The following TRPM7 variants were observed in gnomAD, a reference collection of about 807,000 sequenced individuals.
The protein encoded by TRPM7 is transient receptor potential cation channel subfamily M member 7, also known as LTRPC ion channel family member 7.
Under a neutral mutation model 229.7 loss-of-function variants are expected in TRPM7, and 134 were observed. The ratio of observed to expected loss-of-function variants is 0.58; its 90% CI spans 0.51 to 0.67. The LOEUF (loss-of-function observed/expected upper bound fraction) is 0.67. Among genes scored for constraint, TRPM7 ranks in the 30% least tolerant of loss-of-function variants. The pLI is 0.00. For synonymous variants in TRPM7, 699 were observed against 715.2 expected (o/e 0.98, Z 0.36); for missense variants, 1,901 against 2,210.0 (o/e 0.86, Z 2.80).
At chr15:50,571,646 A>AG (rs1181175884) in intron 36 of TRPM7, among the ~76,000 whole-genome samples, 1 of 152,188 alleles carries the variant, frequency 6.6e-6, no homozygotes, top group African/African-American at 2.4e-5. Context: ...AATAAAAAAG[A>AG]GGGAAAAAAG....
At chr15:50,631,256 G>A (rs892736628) in intron 10 of TRPM7, among the ~76,000 whole-genome samples, 161 bp downstream of exon 10, 5 of 152,270 alleles carry the variant, frequency 3.3e-5, no homozygotes, top group Admixed American at 2.6e-4. Flanking sequence ...AACCAACATT[G>A]TGTCTTTCAC....
At chr15:50,680,857 T>C (rs1018792662) in intron 1 of TRPM7, among the ~76,000 whole-genome samples, 2 of 152,250 alleles carry the variant, frequency 1.3e-5, no homozygotes, top group Non-Finnish European at 2.9e-5. Flanking sequence ...CTACCACTTA[T>C]TAGCCTTGTG....
chr15:50,638,231 C>T (rs1199454986), intron 6 of TRPM7, among the ~76,000 whole-genome samples: 1 of 150,564 alleles, frequency 6.6e-6, no homozygotes, highest in African/African-American at 2.4e-5. Flanking sequence ...TGGTAGCGGG[C>T]GCCTGTAGTC....
intron 33 of TRPM7, 116 bp downstream of exon 33, chr15:50,575,608 A>T: frequency 3.4e-6 from 3 of 888,090 alleles, no homozygotes; most frequent in Non-Finnish European, 5.1e-6. Flanking sequence ...AGATTAATCA[A>T]GAATTTATTT....
chr15:50,578,949 T>C (rs1283049537), intron 30 of TRPM7, among the ~76,000 whole-genome samples: 3 of 152,034 alleles, frequency 2.0e-5, no homozygotes, highest in Non-Finnish European at 2.9e-5. Flanking sequence ...GAAGGCTCTA[T>C]ACTAATAAAC....
At chr15:50,629,098 C>T (rs2060649729) in intron 10 of TRPM7, among the ~76,000 whole-genome samples, 1 of 151,900 alleles carries the variant, frequency 6.6e-6, no homozygotes, top group African/African-American at 2.4e-5. Flanking sequence ...TGTTTTCATG[C>T]ACATGCTTGA....
At chr15:50,652,738 A>G (rs2061458188) in intron 3 of TRPM7, among the ~76,000 whole-genome samples, 1 of 152,068 alleles carries the variant, frequency 6.6e-6, no homozygotes. Context: ...AAATAAAACC[A>G]GCCCGTAATT....
intron 1 of TRPM7, among the ~76,000 whole-genome samples, chr15:50,675,363 C>A (rs1263082253): frequency 1.3e-5 from 2 of 151,768 alleles, no homozygotes; most frequent in Non-Finnish European, 2.9e-5. Context: ...AAAAGAAAAT[C>A]TCCTACAGCC....
At position 50,589,648 on chromosome 15, in the gene TRPM7, C is replaced by T. The variant is rs1283819305; in HGVS notation, c.4333G>A (p.Asp1445Asn). 5 of 1,588,182 alleles carry T rather than the reference C, an allele frequency of 3.1e-6. No homozygotes were observed. In the South Asian group the frequency reaches 4.6e-5, roughly 15 times the overall value. ...TTAAACCTCTGTAAATCCATGCTATCTCTGTGTCCTTTAATAGAAAAAAAG... is the reference window on the plus strand; with the variant it reads ...TTAAACCTCTGTAAATCCATGCTATTTCTGTGTCCTTTAATAGAAAAAAAG... ...TEFGAFVGHRDSMDLQRFKET... is the reference protein window; with the variant it reads ...TEFGAFVGHRNSMDLQRFKET... The change falls in exon 27 of 39, where the codon GAT becomes AAT. Residue 1445 changes from aspartate (D) to asparagine (N), a missense_variant. This residue lies in a region of TRPM7 where 533 missense variants were observed against 497.1 expected (regional missense o/e 1.07). Coordinates refer to ENST00000646667, the MANE Select transcript of TRPM7 (RefSeq NM_017672.6).
At chr15:50,605,204 C>T in intron 20 of TRPM7, 60 bp from the exon 21 acceptor site, 1 of 1,294,760 alleles carries the variant, frequency 7.7e-7, no homozygotes, top group East Asian at 2.3e-5. Context: ...AAAACACATA[C>T]AGCATTCAAC....
intron 27 of TRPM7, among the ~76,000 whole-genome samples, chr15:50,589,154 T>G: frequency 6.6e-6 from 1 of 152,008 alleles, no homozygotes; most frequent in Non-Finnish European, 1.5e-5. Context: ...AAACCTCATC[T>G]CTACTAAAAA....
At chr15:50,613,005 GT>G (rs1418163654) in intron 15 of TRPM7, among the ~76,000 whole-genome samples, 176 bp from the exon 16 acceptor site, 2 of 152,000 alleles carry the variant, frequency 1.3e-5, no homozygotes, top group South Asian at 2.1e-4. Flanking sequence ...TGAAAATGCT[GT>G]TTCAACAAAA....
chr15:50,639,233 ATTAT>A (rs1343474924), intron 6 of TRPM7, among the ~76,000 whole-genome samples, 187 bp downstream of exon 6: 3 of 152,192 alleles, frequency 2.0e-5, no homozygotes, highest in Non-Finnish European at 4.4e-5. Flanking sequence ...TATGAACTTA[ATTAT>A]TTATAGTTAT....
intron 3 of TRPM7, 121 bp from the exon 4 acceptor site, chr15:50,649,006 TAA>T (rs2061344864): frequency 1.6e-6 from 1 of 640,682 alleles, no homozygotes; most frequent in Admixed American, 3.6e-5. Context: ...TATATAAGTA[TAA>T]AAATAAGCTT....
intron 3 of TRPM7, among the ~76,000 whole-genome samples, chr15:50,655,448 C>CA (rs57507717): frequency 8.4e-6 from 1 of 119,726 alleles, no homozygotes; most frequent in Non-Finnish European, 1.8e-5. Flanking sequence ...AAAAAAAAAA[C>CA]AAAAAAACAA....
Position 50,612,822 on chromosome 15 carries a change from G to C in TRPM7, c.1778C>G (p.Thr593Arg), listed in dbSNP as rs769069570. The change falls in exon 16 of 39, where the codon ACA becomes AGA. Residue 593 changes from threonine (T) to arginine (R), a missense_variant. Physicochemically the swap from Thr to Arg is moderately conservative, Grantham distance 71. This residue lies in a region of TRPM7 where 794 missense variants were observed against 881.9 expected (regional missense o/e 0.90). Transcript: ENST00000646667. Reference sequence around the variant, plus strand: ...TTTCTTCTTTCCTTCTTCCATAACTGTATCAATCTTCCAGGGAAAATAAAG... The same window carrying C: ...TTTCTTCTTTCCTTCTTCCATAACTCTATCAATCTTCCAGGGAAAATAAAG... Reference protein sequence around the residue: ...TAQPYRPKIDTVMEEGKKKRT... With the variant: ...TAQPYRPKIDRVMEEGKKKRT... 1 of 1,608,812 alleles carries C rather than the reference G, an allele frequency of 6.2e-7. No homozygotes were observed. Among genetic ancestry groups the C allele is most frequent in the Non-Finnish European group, 8.5e-7 (1 of 1,178,446 alleles).
intron 1 of TRPM7, among the ~76,000 whole-genome samples, chr15:50,682,738 T>G (rs564988843): frequency 3.3e-5 from 5 of 152,186 alleles, no homozygotes; most frequent in Non-Finnish European, 5.9e-5. Flanking sequence ...TGTATTCACA[T>G]TCAACTAATC....
intron 8 of TRPM7, 34 bp downstream of exon 8, chr15:50,634,348 A>C (rs553935255): frequency 6.1e-5 from 85 of 1,389,994 alleles, no homozygotes; most frequent in East Asian, 1.4e-4. Context: ...TAAATAAATA[A>C]ATAAAATTAA....
intron 13 of TRPM7, among the ~76,000 whole-genome samples, chr15:50,615,715 G>A (rs576877871): frequency 3.3e-5 from 5 of 151,950 alleles, no homozygotes; most frequent in Non-Finnish European, 7.4e-5. Flanking sequence ...AGCCAACATG[G>A]AGAATCCCCA....
Sources: allele counts gnomAD v4.1 joint callset (sites outside exome capture counted in the v4.1 genomes callset), GRCh38; gene constraint gnomAD v4.1.1; regional missense constraint gnomAD v4.1.1; transcripts MANE v1.5; gene names NCBI Gene and HGNC (gene_info 2026-07-23, HGNC 2026-07-21).